The following ESYT2 variants were observed in gnomAD, a reference collection of about 807,000 sequenced individuals.
ESYT2 encodes the protein extended synaptotagmin 2, also known as extended synaptotagmin-2.
ESYT2 carries 54 observed loss-of-function variants against 107.2 expected under a neutral mutation model. The ratio of observed to expected loss-of-function variants is 0.50; its 90% CI spans 0.40 to 0.63. ESYT2 has a LOEUF of 0.63. Among genes scored for constraint, ESYT2 ranks in the 30% least tolerant of loss-of-function variants. ESYT2 has a pLI of 0.00. For synonymous variants in ESYT2, 491 were observed against 434.1 expected (o/e 1.13, Z -1.63); for missense variants, 1,020 against 1,094.5 (o/e 0.93, Z 0.96).
At chr7:158,800,508 G>A (rs1382342563) in intron 1 of ESYT2, among the ~76,000 whole-genome samples, 1 of 152,120 alleles carries the variant, frequency 6.6e-6, no homozygotes, top group Non-Finnish European at 1.5e-5. Flanking sequence ...TCCCGCCTCA[G>A]CTTCCTGAGT....
At chr7:158,806,836 G>C (rs547151515) in intron 1 of ESYT2, among the ~76,000 whole-genome samples, 1 of 151,922 alleles carries the variant, frequency 6.6e-6, no homozygotes, top group South Asian at 2.1e-4. Flanking sequence ...AAGACAATCC[G>C]GTTGTTTTTA....
At chr7:158,813,684 C>G (rs992712357) in intron 1 of ESYT2, among the ~76,000 whole-genome samples, 3 of 152,206 alleles carry the variant, frequency 2.0e-5, no homozygotes, top group African/African-American at 7.2e-5. Flanking sequence ...TCATCCCAGA[C>G]AAAACGTGTT....
chr7:158,812,979 A>T (rs941523190), intron 1 of ESYT2, among the ~76,000 whole-genome samples: 4 of 152,236 alleles, frequency 2.6e-5, no homozygotes, highest in Non-Finnish European at 4.4e-5. Context: ...CTTTTAGGGC[A>T]GAGAAAATGT....
At chr7:158,763,051 C>A (rs184771445) in intron 10 of ESYT2, 32 bp downstream of exon 10, 1 of 1,539,992 alleles carries the variant, frequency 6.5e-7, no homozygotes, top group South Asian at 1.1e-5. Context: ...ACCCCATGCC[C>A]TCCTCCAATA....
intron 6 of ESYT2, among the ~76,000 whole-genome samples, chr7:158,786,681 CTTAGT>C (rs539857683): frequency 5.3e-4 from 81 of 152,166 alleles, no homozygotes; most frequent in Non-Finnish European, 1.1e-3. Flanking sequence ...CTGTAGTAAA[CTTAGT>C]TTATGTCAGG....
intron 6 of ESYT2, among the ~76,000 whole-genome samples, chr7:158,783,803 G>A (rs1474230724): frequency 6.6e-6 from 1 of 152,238 alleles, no homozygotes; most frequent in African/African-American, 2.4e-5. Flanking sequence ...CGACCCCAGG[G>A]AGGACACTTC....
intron 21 of ESYT2, 53 bp from the exon 22 acceptor site, chr7:158,734,524 C>A (rs938489279): frequency 6.5e-7 from 1 of 1,537,198 alleles, no homozygotes; most frequent in Non-Finnish European, 8.9e-7. Flanking sequence ...GGCACTGGCT[C>A]CCGTCTGTAA....
Position 158,741,570 on chromosome 7 carries a change from C to G in ESYT2, c.2121G>C (p.Leu707=), listed in dbSNP as rs943714755. The change falls in exon 18 of 23, where the codon CTG becomes CTC. Residue 707 remains leucine, a synonymous_variant. Transcript: ENST00000275418. ...PTPSIASDIS[L]PIATQELRQR... ...GCCGCAGCTCCTGGGTGGCGATGGG[C>G]AGCGAGATGTCCGAGGCGATGCTGG... 2 of 1,605,366 alleles carry G rather than the reference C, an allele frequency of 1.2e-6. No homozygotes were observed. Among genetic ancestry groups the G allele is most frequent in the Non-Finnish European group, 1.7e-6 (2 of 1,178,920 alleles).
In ESYT2 at chr7:158,734,481, G is replaced by A; in HGVS notation, c.2506-10C>T. On this transcript the variant is annotated splice_polypyrimidine_tract_variant and intron_variant, in intron 21 of 22. Transcript: ENST00000275418. ...CCAGAGCAACCAATACCTGTGGGTT[G>A]TTAAAAAAGCAGTTAAAGTAGGCTG... is the stretch of plus-strand genomic sequence containing the variant. 1.2e-6 allele frequency: 2 copies of A among 1,612,320 alleles called. No individual in the cohort carries two copies. Among genetic ancestry groups the A allele is most frequent in the Non-Finnish European group, 1.7e-6 (2 of 1,179,226 alleles).
chr7:158,829,074 G>A lies in ESYT2; in HGVS notation c.330+15C>T, dbSNP rs777348962. 4.6e-5 allele frequency: 72 copies of A among 1,579,922 alleles called. No individual in the cohort carries two copies. In the Middle Eastern group the frequency reaches 5.4e-4, roughly 12 times the overall value. On this transcript the variant is annotated intron_variant, in intron 1 of 22. Transcript: ENST00000275418. ...TGGTGGTCAGGGGTCGGGACGGGCAGGGGTCTGCACTCACCCAGGCGGGCA... is the reference window on the plus strand; with the variant it reads ...TGGTGGTCAGGGGTCGGGACGGGCAAGGGTCTGCACTCACCCAGGCGGGCA...
intron 6 of ESYT2, among the ~76,000 whole-genome samples, chr7:158,773,759 A>G (rs966980744): frequency 3.9e-5 from 6 of 152,228 alleles, no homozygotes; most frequent in Admixed American, 3.9e-4. Flanking sequence ...CTAGCATTCA[A>G]AAAGTGAGAT....
Position 158,807,661 on chromosome 7 carries a change from C to T in ESYT2, c.331-8589G>A, listed in dbSNP as rs112243864. On this transcript the variant is annotated intron_variant, in intron 1 of 22. Transcript: ENST00000275418. ...ACTGCTGTTTGCTGTTACACATTCC[C>T]CATAAAGGGTCAGACAGGAAATATC... is the stretch of plus-strand genomic sequence containing the variant. 5.1e-3 allele frequency among the ~76,000 whole-genome samples: 773 copies of T among 152,260 alleles called. 4 individuals carry two copies. Among genetic ancestry groups the T allele is most frequent in the African/African-American group, 0.018 (742 of 41,540 alleles).
At chr7:158,788,211 C>T (rs1839173986) in intron 5 of ESYT2, 118 bp from the exon 6 acceptor site, 3 of 1,153,430 alleles carry the variant, frequency 2.6e-6, no homozygotes. Context: ...TTATTTATCT[C>T]AACTATGACC....
In ESYT2 at chr7:158,788,075, C is replaced by T. The variant is rs776966307; in HGVS notation, c.676G>A (p.Val226Met). Residue 226 changes from valine (V) to methionine (M), a missense_variant, in exon 6 of 23, where the codon GTG becomes ATG. Coordinates refer to ENST00000275418, the MANE Select transcript of ESYT2 (RefSeq NM_001367773.1). ...TCTCCAATCAACGGTTCCAGGATCA[C>T]CCGCATGGTACCATGAATCTAAACT... ...KSIQIHGTMRVILEPLIGDMP... is the reference protein window; with the variant it reads ...KSIQIHGTMRMILEPLIGDMP... 8 of 1,614,028 alleles carry T rather than the reference C, an allele frequency of 5.0e-6. No individual in the cohort carries two copies. In the Admixed American group the frequency reaches 1.3e-4, roughly 27 times the overall value.
intron 13 of ESYT2, among the ~76,000 whole-genome samples, chr7:158,758,416 T>A (rs566509162): frequency 5.1e-4 from 78 of 152,226 alleles, no homozygotes; most frequent in Non-Finnish European, 7.4e-5. Flanking sequence ...CTACAGGGGA[T>A]CGAGAGGCCG....
intron 7 of ESYT2, among the ~76,000 whole-genome samples, chr7:158,771,223 C>A (rs980854734): frequency 1.3e-5 from 2 of 152,200 alleles, no homozygotes; most frequent in African/African-American, 4.8e-5. Context: ...ATTAATACAA[C>A]GTTGTTTACA....
At chr7:158,738,732 C>T (rs1198266469) in intron 19 of ESYT2, among the ~76,000 whole-genome samples, 4 of 152,136 alleles carry the variant, frequency 2.6e-5, no homozygotes, top group African/African-American at 9.7e-5. Flanking sequence ...GGATTACAGG[C>T]GTGAGCCACC....
intron 13 of ESYT2, among the ~76,000 whole-genome samples, chr7:158,756,440 T>C (rs1235666653): frequency 6.6e-6 from 1 of 152,242 alleles, no homozygotes; most frequent in Non-Finnish European, 1.5e-5. Context: ...AAACTTAATA[T>C]ACTTTTCTTC....
chr7:158,735,331 T>G (rs1435080499), intron 21 of ESYT2, among the ~76,000 whole-genome samples, 172 bp downstream of exon 21: 2 of 152,232 alleles, frequency 1.3e-5, no homozygotes, highest in Non-Finnish European at 2.9e-5. Context: ...TAAAATATCT[T>G]CAGAAAGCAC....
Sources: gnomAD v4.1 joint callset for allele counts (sites outside exome capture counted in the v4.1 genomes callset) on GRCh38, gnomAD v4.1.1 for gene constraint, MANE v1.5 for transcripts, NCBI Gene and HGNC (gene_info 2026-07-23, HGNC 2026-07-21) for gene names.